Variants in ZNF831 observed in about 807,000 individuals in gnomAD.
The protein encoded by ZNF831 is chromosome 20 open reading frame 174.
In ZNF831, 59 loss-of-function variants were observed where a neutral mutation model predicts 95.8. The ratio of observed to expected loss-of-function variants is 0.62; its 90% CI spans 0.50 to 0.77. The LOEUF is 0.77. ZNF831 is among the 30% of genes least tolerant of loss of function. The pLI, the probability that ZNF831 is intolerant of heterozygous loss-of-function variation, is 0.00. For synonymous variants in ZNF831, 961 were observed against 925.5 expected (o/e 1.04, Z -0.70); for missense variants, 2,205 against 2,164.0 (o/e 1.02, Z -0.38).
chr20:59,196,296 C>G (rs1447636124), intron 3 of ZNF831, among the ~76,000 whole-genome samples: 1 of 152,200 alleles, frequency 6.6e-6, no homozygotes, highest in African/African-American at 2.4e-5. Context: ...TTATTTACAG[C>G]TTTTATTGTG....
chr20:59,142,699 C>T (rs1273545613), intron 1 of ZNF831, among the ~76,000 whole-genome samples: 1 of 152,170 alleles, frequency 6.6e-6, no homozygotes, highest in South Asian at 2.1e-4. Context: ...ATGCCTCTAG[C>T]AAAAATTTCA....
At chr20:59,196,602 G>A (rs552379519) in intron 3 of ZNF831, among the ~76,000 whole-genome samples, 13 of 152,228 alleles carry the variant, frequency 8.5e-5, no homozygotes, top group African/African-American at 2.6e-4. Flanking sequence ...GTTGAAAAGC[G>A]AATTCTCTAA....
intron 4 of ZNF831, among the ~76,000 whole-genome samples, chr20:59,238,182 G>C (rs1239849190): frequency 1.3e-5 from 2 of 152,016 alleles, no homozygotes; most frequent in Admixed American, 6.6e-5. Flanking sequence ...TCCCAAATCT[G>C]ATTTTTTCTT....
In ZNF831 at chr20:59,254,677, G is replaced by C. The variant is rs752663897; in HGVS notation, c.4968G>C (p.Lys1656Asn). The C allele has an allele frequency of 6.2e-7, 1 of 1,614,020 alleles. No homozygotes were observed. The highest frequency in any genetic ancestry group is 1.3e-5 in the African/African-American group (1 of 74,916). ...LKKRSLEGMRKQTRVEFSDTS... is the reference protein window; with the variant it reads ...LKKRSLEGMRNQTRVEFSDTS... ...AGAGGAGTCTGGAAGGAATGAGAAAGCAAACTCGAGTAGAGTTCAGTGACA... is the reference window on the plus strand; with the variant it reads ...AGAGGAGTCTGGAAGGAATGAGAAACCAAACTCGAGTAGAGTTCAGTGACA... The change falls in exon 6 of 6, where the codon AAG (lysine) becomes AAC (asparagine). Residue 1656 changes from lysine (K) to asparagine (N), a missense_variant. Lys to Asn is a moderately conservative substitution (Grantham distance 94). Coordinates refer to ENST00000371030, the MANE Select transcript of ZNF831 (RefSeq NM_178457.3). The surrounding 1 kb of genome is among the most constrained non-coding windows in gnomAD (Gnocchi z 4.5).
intron 1 of ZNF831, among the ~76,000 whole-genome samples, chr20:59,136,431 T>C (rs1230620772): frequency 6.6e-6 from 1 of 152,174 alleles, no homozygotes. Context: ...AACCAGGGGA[T>C]GTGGTTAGAA....
At chr20:59,167,915 T>C (rs915617652) in intron 1 of ZNF831, among the ~76,000 whole-genome samples, 7 of 148,286 alleles carry the variant, frequency 4.7e-5, no homozygotes, top group African/African-American at 1.8e-4. Context: ...TGCAGATTGA[T>C]TTATGTTTTT....
At chr20:59,163,089 C>T (rs1172845658), upstream of ZNF831, among the ~76,000 whole-genome samples, 1 of 151,494 alleles carries the variant, frequency 6.6e-6, no homozygotes, top group Non-Finnish European at 1.5e-5. Context: ...TGATTTGGCT[C>T]TCGGCTTGAA....
intron 1 of ZNF831, among the ~76,000 whole-genome samples, chr20:59,132,258 G>C (rs1979370267): frequency 6.7e-6 from 1 of 149,038 alleles, no homozygotes; most frequent in South Asian, 2.1e-4. Flanking sequence ...TAATTTAGTT[G>C]CTCAAGTTTC....
intron 4 of ZNF831, among the ~76,000 whole-genome samples, chr20:59,223,411 T>G (rs947938545): frequency 1.3e-5 from 2 of 152,198 alleles, no homozygotes; most frequent in Admixed American, 6.5e-5. Context: ...CTAGCCATGT[T>G]TTTTAAAAGC....
rs1568775944 is a variant in ZNF831 at position 59,217,170 on chromosome 20, G to GTGTGTA, written c.4027+10119_4027+10120insATGTGT. Among the ~76,000 whole-genome samples, 1 of 151,452 alleles carries GTGTGTA rather than the reference G, an allele frequency of 6.6e-6. No homozygotes were observed. The highest frequency in any genetic ancestry group is 2.4e-5 in the African/African-American group (1 of 41,184). ...CTGACAGATCTTCATCTCTGTGTGT[G>GTGTGTA]TGTGTGTGTGTGTGTGTGTGTGTGT... On this transcript the variant is annotated intron_variant, in intron 4 of 5. Coordinates refer to ENST00000371030, the MANE Select transcript of ZNF831 (RefSeq NM_178457.3). The surrounding 1 kb of genome is among the most constrained non-coding windows in gnomAD (Gnocchi z 4.4).
chr20:59,194,367 A>AGG lies in ZNF831; in HGVS notation c.3350_3351dup (p.Pro1118GlyfsTer61). The AGG allele has an allele frequency of 6.2e-7, 1 of 1,612,030 alleles. No homozygotes were observed. The highest frequency in any genetic ancestry group is 8.5e-7 in the Non-Finnish European group (1 of 1,179,114). ...GGAATGCCCCAGAAGATCCTTCTTC[A>AGG]GGGCCCCTGGTGGGCCCCGACCCGT... On this transcript the variant is annotated frameshift_variant, in exon 2 of 6. Coordinates refer to ENST00000371030, the MANE Select transcript of ZNF831 (RefSeq NM_178457.3). LOFTEE classifies it high-confidence loss of function.
In ZNF831 at chr20:59,191,701, GGCAGGGGCGAGA is replaced by G; in HGVS notation, c.688_699del (p.Gly230_Arg233del). On this transcript the variant is annotated inframe_deletion, in exon 2 of 6. Transcript: ENST00000371030. ...GGCCGGAGAGCCCCCCAGACCAGAG[GGCAGGGGCGAGA>G]GCAGGTGCCAGGGGATGCACGAAGG... The G allele has an allele frequency of 1.3e-6, 2 of 1,567,572 alleles. No homozygotes were observed. Among genetic ancestry groups the G allele is most frequent in the Non-Finnish European group, 8.7e-7 (1 of 1,155,828 alleles).
intron 2 of ZNF831, among the ~76,000 whole-genome samples, chr20:59,153,405 A>G (rs1980356419): frequency 6.6e-6 from 1 of 152,222 alleles, no homozygotes; most frequent in Admixed American, 6.5e-5. Flanking sequence ...GGCTGGGCGC[A>G]TCTTCCTGGG....
In ZNF831 at chr20:59,254,615, A is replaced by G. The variant is rs745333494; in HGVS notation, c.4906A>G (p.Ile1636Val). The G allele has an allele frequency of 1.2e-6, 2 of 1,614,084 alleles. No individual in the cohort carries two copies. The highest frequency in any genetic ancestry group is 1.7e-6 in the Non-Finnish European group (2 of 1,180,046). The part of the protein sequence containing the change: ...SVVPSKPEQP[I>V]EIPEAPSKSL... Reference sequence around the variant, plus strand: ...GGTTCCTTCTAAGCCAGAGCAGCCCATAGAAATTCCTGAAGCCCCTTCTAA... The same window carrying G: ...GGTTCCTTCTAAGCCAGAGCAGCCCGTAGAAATTCCTGAAGCCCCTTCTAA... Residue 1636 changes from isoleucine to valine, a missense_variant, in exon 6 of 6, where the codon ATA (isoleucine) becomes GTA (valine). By Grantham distance (29) the Ile-to-Val change is conservative. Coordinates refer to ENST00000371030, the MANE Select transcript of ZNF831 (RefSeq NM_178457.3). This position sits in a 1 kb window ranked among gnomAD's most constrained non-coding sequence, Gnocchi z 4.5.
intron 1 of ZNF831, among the ~76,000 whole-genome samples, chr20:59,171,644 T>G: frequency 6.6e-6 from 1 of 152,218 alleles, no homozygotes. Flanking sequence ...TAAAGTTAAC[T>G]TCCAATAACT....
chr20:59,193,811 C>G lies in ZNF831; in HGVS notation c.2792C>G (p.Ala931Gly), dbSNP rs1417156111. The G allele has an allele frequency of 5.0e-6, 8 of 1,612,180 alleles. No individual in the cohort carries two copies. The highest frequency in any genetic ancestry group is 6.8e-6 in the Non-Finnish European group (8 of 1,179,104). The part of the protein sequence containing the change: ...TPPQAPRVLS[A>G]LADNAFSPKY... ...CCTCAGGCTCCTAGAGTGCTCTCTG[C>G]CCTGGCAGATAATGCCTTTTCCCCC... The change falls in exon 2 of 6, where the codon GCC becomes GGC. Residue 931 changes from alanine (A) to glycine (G), a missense_variant. By Grantham distance (60) the Ala-to-Gly change is moderately conservative (BLOSUM62 0). Transcript: ENST00000371030.
intron 4 of ZNF831, among the ~76,000 whole-genome samples, chr20:59,235,747 C>T (rs1010416097): frequency 5.9e-5 from 9 of 152,046 alleles, no homozygotes; most frequent in African/African-American, 1.9e-4. Context: ...TTATTATTTG[C>T]CCTGTACTAT....
intron 1 of ZNF831, among the ~76,000 whole-genome samples, chr20:59,141,261 T>G (rs1979669691): frequency 2.0e-5 from 3 of 152,222 alleles, no homozygotes. Context: ...TTGTGTTTTT[T>G]TGTGTGACAT....
intron 4 of ZNF831, among the ~76,000 whole-genome samples, chr20:59,250,648 A>G (rs1987837521): frequency 6.6e-6 from 1 of 152,190 alleles, no homozygotes; most frequent in Non-Finnish European, 1.5e-5. Context: ...AACAACGACA[A>G]CAACAACAAC....
Sources: gnomAD v4.1 joint callset for allele counts (sites outside exome capture counted in the v4.1 genomes callset) on GRCh38, gnomAD v4.1.1 for gene constraint, Gnocchi (gnomAD v3.1) non-coding constraint, MANE v1.5 for transcripts, NCBI Gene and HGNC (gene_info 2026-07-23, HGNC 2026-07-21) for gene names.